SCML2: variants seen among roughly 807,000 people sequenced by gnomAD.
SCML2 encodes Scm polycomb group protein like 2.
A neutral mutation model predicts 48.4 loss-of-function variants in SCML2; 6 were observed. The ratio of observed to expected loss-of-function variants is 0.12; its 90% confidence interval spans 0.07 to 0.24. The LOEUF is 0.24. SCML2 is among the 10% of genes least tolerant of loss of function. SCML2 has a pLI of 1.00. For missense variants in SCML2, 377 were observed against 528.2 expected (o/e 0.71, Z 2.81); for synonymous variants, 181 against 189.5 (o/e 0.95, Z 0.37).
rs1040527991 is a variant in SCML2, at chrX:18,325,615, T to C, written c.92-638A>G. 2.7e-5 allele frequency among the ~76,000 whole-genome samples: 3 copies of C among 112,013 alleles called. No homozygotes were observed. In the South Asian group the frequency reaches 1.1e-3, roughly 42 times the overall value. The stretch of plus-strand genomic sequence containing the variant: ...ACCTACATTTTCTACAGACTCTTGC[T>C]GTCCTTCCTCACTTAGTTTTCATGA... On this transcript the variant is annotated intron_variant, in intron 3 of 14. Coordinates refer to ENST00000251900, the MANE Select transcript of SCML2 (RefSeq NM_006089.3).
intron 3 of SCML2, among the ~76,000 whole-genome samples, chrX:18,325,915 G>A (rs1474415307): frequency 8.9e-6 from 1 of 112,110 alleles, no homozygotes; most frequent in African/African-American, 3.2e-5. Flanking sequence ...TCCTTCAAAA[G>A]ATATTATACT....
chrX:18,275,273 G>A (rs371154147), intron 7 of SCML2, among the ~76,000 whole-genome samples: 36 of 112,236 alleles, frequency 3.2e-4, no homozygotes, highest in Non-Finnish European at 4.5e-4. Flanking sequence ...TTGACTTTTC[G>A]TCAACATCTG....
At chrX:18,313,093 T>A (rs1929011810) in intron 6 of SCML2, among the ~76,000 whole-genome samples, 1 of 109,906 alleles carries the variant, frequency 9.1e-6, no homozygotes, top group South Asian at 4.0e-4. Flanking sequence ...ATTTCACTAC[T>A]CTCTTCTCAG....
chrX:18,309,696 T>G (rs1418721856), intron 6 of SCML2, among the ~76,000 whole-genome samples: 1 of 111,860 alleles, frequency 8.9e-6, no homozygotes, highest in Non-Finnish European at 1.9e-5. Flanking sequence ...TGTTCTCACT[T>G]ACAAGTGGGA....
At chrX:18,265,888 C>T (rs529513648) in intron 7 of SCML2, 86 bp from the exon 8 acceptor site, 1 of 622,762 alleles carries the variant, frequency 1.6e-6, no homozygotes, top group South Asian at 3.5e-5. Flanking sequence ...TTTTACTCGA[C>T]CTTTAAAACC....
rs141251246 is a variant in SCML2 at position 18,314,561 on chromosome X, C to T, written c.486+5771G>A. ...CTCAAATTTCCCAGAGACACCTCAA[C>T]ACGTTCAAAACTAAGCCCATCTGTT... On this transcript the variant is annotated intron_variant, in intron 6 of 14. Coordinates refer to ENST00000251900, the MANE Select transcript of SCML2 (RefSeq NM_006089.3). Among the ~76,000 whole-genome samples the T allele has an allele frequency of 5.0e-3, 557 of 111,960 alleles. 2 individuals are homozygous for T. The highest frequency in any genetic ancestry group is 0.017 in the African/African-American group (516 of 30,855).
At chrX:18,296,686 C>T (rs1928406815) in intron 7 of SCML2, among the ~76,000 whole-genome samples, 1 of 111,142 alleles carries the variant, frequency 9.0e-6, no homozygotes. Context: ...TAGAACCTAT[C>T]GAGACTGAAT....
chrX:18,321,208 C>G (rs1350633127), intron 5 of SCML2, among the ~76,000 whole-genome samples: 1 of 111,669 alleles, frequency 9.0e-6, no homozygotes, highest in African/African-American at 3.3e-5. Context: ...TTAATACATA[C>G]TAAAAATGAT....
intron 7 of SCML2, among the ~76,000 whole-genome samples, chrX:18,278,587 G>A (rs190120135): frequency 2.8e-3 from 314 of 112,167 alleles, no homozygotes; most frequent in African/African-American, 9.6e-3. Flanking sequence ...GGAGAGAGCT[G>A]GGCCAGCTTC....
At chrX:18,324,333 A>C (rs1385544732) in intron 4 of SCML2, among the ~76,000 whole-genome samples, 2 of 111,455 alleles carry the variant, frequency 1.8e-5, no homozygotes, top group African/African-American at 6.5e-5. Flanking sequence ...AGGCAACCCA[A>C]ATACAGCCTC....
intron 6 of SCML2, among the ~76,000 whole-genome samples, chrX:18,311,969 T>G (rs1602127099): frequency 9.0e-6 from 1 of 111,597 alleles, no homozygotes; most frequent in East Asian, 2.8e-4. Context: ...TTTTTCAATT[T>G]GTAGTAGAGA....
At chrX:18,288,090 T>G (rs940617456) in intron 7 of SCML2, among the ~76,000 whole-genome samples, 1 of 111,514 alleles carries the variant, frequency 9.0e-6, no homozygotes, top group African/African-American at 3.3e-5. Flanking sequence ...ATAATTCATC[T>G]AGCAACATGA....
intron 1 of SCML2, among the ~76,000 whole-genome samples, chrX:18,339,345 T>C (rs1171723418): frequency 8.9e-6 from 1 of 112,445 alleles, no homozygotes; most frequent in Non-Finnish European, 1.9e-5. Context: ...CTTGACATCA[T>C]CTCATGCTGT....
chrX:18,285,040 C>CAAA (rs542089776), intron 7 of SCML2, among the ~76,000 whole-genome samples: 12 of 53,915 alleles, frequency 2.2e-4, no homozygotes, highest in African/African-American at 4.6e-4. Flanking sequence ...AACTCCGCCT[C>CAAA]AAAAAAAAAA....
At chrX:18,332,852 A>C (rs1929699578) in intron 2 of SCML2, among the ~76,000 whole-genome samples, 1 of 110,264 alleles carries the variant, frequency 9.1e-6, no homozygotes, top group Admixed American at 9.8e-5. Flanking sequence ...GGTGGCACAC[A>C]TCTGCAGCCT....
chrX:18,317,631 G>A (rs1309114310), intron 6 of SCML2, among the ~76,000 whole-genome samples: 1 of 110,619 alleles, frequency 9.0e-6, no homozygotes, highest in Non-Finnish European at 1.9e-5. Context: ...AGGAGATCGA[G>A]ACCATCCTGG....
intron 6 of SCML2, among the ~76,000 whole-genome samples, chrX:18,308,993 G>A (rs892707570): frequency 2.7e-5 from 3 of 110,747 alleles, no homozygotes; most frequent in Non-Finnish European, 3.8e-5. Context: ...TGGATATCCT[G>A]AGGTCAGGAG....
At chrX:18,250,476 G>T (rs1328483638) in intron 11 of SCML2, among the ~76,000 whole-genome samples, 1 of 109,628 alleles carries the variant, frequency 9.1e-6, no homozygotes, top group African/African-American at 3.3e-5. Context: ...CTGCCTCCCG[G>T]GTTCATGCCA....
intron 3 of SCML2, among the ~76,000 whole-genome samples, chrX:18,329,275 G>A (rs2147549372): frequency 8.9e-6 from 1 of 111,774 alleles, no homozygotes; most frequent in East Asian, 2.8e-4. Context: ...GGATTTGGGG[G>A]TCCCAGGGAA....
Sources: allele counts gnomAD v4.1 joint callset (sites outside exome capture counted in the v4.1 genomes callset), GRCh38; gene constraint gnomAD v4.1.1; transcripts MANE v1.5; gene names NCBI Gene and HGNC (gene_info 2026-07-23, HGNC 2026-07-21).